The following EGF variants were observed in gnomAD, a reference collection of about 807,000 sequenced individuals.
EGF encodes pro-epidermal growth factor.
EGF carries 95 observed loss-of-function variants against 143.8 expected under a neutral mutation model. The ratio of observed to expected loss-of-function variants is 0.66; its 90% CI spans 0.56 to 0.78. The LOEUF (loss-of-function observed/expected upper bound fraction) is 0.78, where lower values mean the gene tolerates loss of function less well. Ranked by LOEUF, EGF falls within the 30% of genes least tolerant of loss-of-function variation. The pLI is 0.00. For missense variants in EGF, 1,320 were observed against 1,470.9 expected (o/e 0.90, Z 1.68); for synonymous variants, 510 against 510.5 (o/e 1.00, Z 0.01).
At chr4:109,973,115 T>C (rs1482469838) in intron 11 of EGF, among the ~76,000 whole-genome samples, 1 of 152,230 alleles carries the variant, frequency 6.6e-6, no homozygotes, top group Admixed American at 6.5e-5. Flanking sequence ...TGTCTGCCTG[T>C]GGTCCCACCT....
rs11569052 is a variant in EGF, at chr4:109,988,986, A to T, written c.2734+277A>T. 1.7e-3 allele frequency among the ~76,000 whole-genome samples: 252 copies of T among 152,244 alleles called. 1 individual carries two copies. The highest frequency in any genetic ancestry group is 2.3e-3 in the Non-Finnish European group (156 of 68,024). On this transcript the variant is annotated intron_variant, in intron 18 of 23. Coordinates refer to ENST00000265171, the MANE Select transcript of EGF (RefSeq NM_001963.6). ...TAATTCTTTCTGGGGTTTGAGTGAC[A>T]CCAGTGTCTCATCAATACTTCCCAC...
chr4:109,941,052 C>T lies in EGF; in HGVS notation c.234C>T (p.Ile78=). ...QLVVDAGVSV[I]MDFHYNEKRI... is the part of the protein sequence containing the mutation. Reference sequence around the variant, plus strand: ...TGGTGGATGCTGGTGTCTCAGTGATCATGGATTTTCATTATAATGAGAAAA... The same window carrying T: ...TGGTGGATGCTGGTGTCTCAGTGATTATGGATTTTCATTATAATGAGAAAA... The change falls in exon 2 of 24, where the codon ATC becomes ATT. Residue 78 remains isoleucine, a synonymous_variant. Transcript: ENST00000265171. The T allele has an allele frequency of 6.2e-7, 1 of 1,613,950 alleles. No individual in the cohort carries two copies. The highest frequency in any genetic ancestry group is 8.5e-7 in the Non-Finnish European group (1 of 1,179,924).
Position 110,011,758 on chromosome 4 carries a change from T to C in EGF, c.*303T>C, listed in dbSNP as rs1754019795. 1 of 401,210 alleles carries C rather than the reference T, an allele frequency of 2.5e-6. No individual in the cohort carries two copies. The highest frequency in any genetic ancestry group is 3.9e-5 in the Admixed American group (1 of 25,398). 24.9% of individuals were successfully genotyped at this position (401,210 alleles called of 1,614,324 possible). A position where few individuals can be genotyped will look rare whatever the true frequency, so the allele number is the denominator to read the frequency against. On this transcript the variant is annotated 3_prime_UTR_variant, in exon 24 of 24. Transcript: ENST00000265171. The stretch of plus-strand genomic sequence containing the variant: ...TCAGCAGTCAATACAAATAGATTTT[T>C]GTTTTTGTTGTTCCTGCAGCCCCAG...
chr4:109,937,362 T>G (rs1210611652), intron 1 of EGF, among the ~76,000 whole-genome samples: 2 of 63,386 alleles, frequency 3.2e-5, no homozygotes, highest in Non-Finnish European at 6.7e-5. Flanking sequence ...ATCCCTGCTT[T>G]TTTTTTTTTT....
intron 1 of EGF, among the ~76,000 whole-genome samples, chr4:109,926,521 AT>A (rs373503664): frequency 2.0e-5 from 3 of 150,652 alleles, no homozygotes; most frequent in Non-Finnish European, 3.0e-5. Flanking sequence ...CACCCGGCTA[AT>A]TTTTTTTTGT....
rs1751309066 is a variant in EGF at position 109,993,352 on chromosome 4, C to A, written c.2840C>A (p.Pro947Gln). ...TCMCAGRLSE[P>Q]GLICPDSTPP... ...ATGTGTGCTGGACGCCTGTCTGAAC[C>A]AGGACTGATTTGCCCTGGTAGGTTG... is the stretch of plus-strand genomic sequence containing the variant. The change falls in exon 19 of 24, where the codon CCA becomes CAA. Residue 947 changes from proline to glutamine, a missense_variant. Pro to Gln is a moderately conservative substitution (Grantham distance 76). This residue lies in a region of EGF where 1,186 missense variants were observed against 1,313.7 expected (regional missense o/e 0.90). Coordinates refer to ENST00000265171, the MANE Select transcript of EGF (RefSeq NM_001963.6). 4.3e-6 allele frequency: 7 copies of A among 1,613,566 alleles called. No homozygotes were observed. Among genetic ancestry groups the A allele is most frequent in the Non-Finnish European group, 5.9e-6 (7 of 1,179,830 alleles).
At chr4:110,009,469 CACA>C (rs1024274914) in intron 23 of EGF, among the ~76,000 whole-genome samples, 3 of 152,158 alleles carry the variant, frequency 2.0e-5, no homozygotes, top group African/African-American at 4.8e-5. Flanking sequence ...AAGCTAATAG[CACA>C]ACGATTTTAC....
chr4:110,006,752 T>C (rs1344370602), intron 22 of EGF, among the ~76,000 whole-genome samples: 2 of 152,344 alleles, frequency 1.3e-5, no homozygotes, highest in Non-Finnish European at 2.9e-5. Context: ...ATGAGCAACT[T>C]GTTGGCTCAG....
chr4:109,936,834 A>C (rs1740902723), intron 1 of EGF, among the ~76,000 whole-genome samples: 1 of 152,194 alleles, frequency 6.6e-6, no homozygotes, highest in Admixed American at 6.5e-5. Flanking sequence ...CTCAGTTTCC[A>C]TGTAGTTGTG....
chr4:109,989,981 G>A (rs1750705237), intron 18 of EGF, among the ~76,000 whole-genome samples: 1 of 151,936 alleles, frequency 6.6e-6, no homozygotes, highest in Non-Finnish European at 1.5e-5. Flanking sequence ...ACCTTGTCTG[G>A]CACATAAAAA....
intron 9 of EGF, among the ~76,000 whole-genome samples, chr4:109,963,962 T>C (rs1578275941): frequency 6.6e-6 from 1 of 152,316 alleles, no homozygotes; most frequent in South Asian, 2.1e-4. Flanking sequence ...TCAAGGGTCT[T>C]GCTATTAACT....
At chr4:109,995,982 A>G (rs903670072) in intron 20 of EGF, among the ~76,000 whole-genome samples, 1 of 152,216 alleles carries the variant, frequency 6.6e-6, no homozygotes, top group Admixed American at 6.5e-5. Flanking sequence ...TTTACATGCT[A>G]TAATTTCCTA....
chr4:109,999,899 G>A, intron 21 of EGF, 53 bp downstream of exon 21: 1 of 1,608,948 alleles, frequency 6.2e-7, no homozygotes, highest in African/African-American at 1.3e-5. Context: ...ACCTCCCAGG[G>A]GAATGCCTGT....
At chr4:109,930,724 C>T (rs1023929879) in intron 1 of EGF, among the ~76,000 whole-genome samples, 5 of 152,170 alleles carry the variant, frequency 3.3e-5, no homozygotes, top group Non-Finnish European at 7.4e-5. Flanking sequence ...CTCAGACTCA[C>T]AGAGGATGAA....
intron 22 of EGF, among the ~76,000 whole-genome samples, chr4:110,004,969 A>T (rs1178823251): frequency 2.0e-5 from 3 of 151,738 alleles, no homozygotes; most frequent in East Asian, 1.9e-4. Context: ...TACATGTCTT[A>T]AAAACCCAAG....
At chr4:109,926,430 C>T (rs140844421) in intron 1 of EGF, among the ~76,000 whole-genome samples, 1,857 of 150,830 alleles carry the variant, frequency 0.012, 35 homozygotes, top group African/African-American at 0.042. Context: ...TCTCGTCTCA[C>T]TGCAAGCTCC....
intron 16 of EGF, among the ~76,000 whole-genome samples, chr4:109,986,944 A>G (rs1750221585): frequency 6.6e-6 from 1 of 152,224 alleles, no homozygotes; most frequent in African/African-American, 2.4e-5. Context: ...TGTGACATAC[A>G]TATTCTATTA....
At chr4:109,932,377 A>ATATATATATATAT (rs1553929849) in intron 1 of EGF, among the ~76,000 whole-genome samples, 28 of 123,882 alleles carry the variant, frequency 2.3e-4, no homozygotes, top group African/African-American at 5.2e-4. Flanking sequence ...ATATATATAT[A>ATATATATATATAT]AATTTTTTTT....
chr4:110,004,248 ACACAAAC>A, intron 21 of EGF: 2 of 494,494 alleles, frequency 4.0e-6, no homozygotes, highest in Non-Finnish European at 3.7e-6. Context: ...ACACACACAC[ACACAAAC>A]ACACACACAC....
Sources: allele counts gnomAD v4.1 joint callset (sites outside exome capture counted in the v4.1 genomes callset), GRCh38; gene constraint gnomAD v4.1.1; regional missense constraint gnomAD v4.1.1; transcripts MANE v1.5; gene names NCBI Gene and HGNC (gene_info 2026-07-23, HGNC 2026-07-21).